Variants in LRP1B observed in about 807,000 individuals in gnomAD.
LRP1B encodes low-density lipoprotein receptor-related protein 1B.
A neutral mutation model predicts 556.6 loss-of-function variants in LRP1B; 217 were observed. The observed-to-expected ratio is 0.39, with a 90% CI of 0.35 to 0.44. LRP1B has a LOEUF of 0.44. Among genes scored for constraint, LRP1B ranks in the 20% least tolerant of loss-of-function variants. The probability of loss-of-function intolerance (pLI) is 1.00; values close to 1 mark genes in which losing one functional copy is unlikely to be tolerated. For synonymous variants in LRP1B, 2,047 were observed against 1,865.8 expected (o/e 1.10, Z -2.50); for missense variants, 5,053 against 5,620.8 (o/e 0.90, Z 3.23).
Position 140,492,630 on chromosome 2 carries a change from G to A in LRP1B, c.9098C>T (p.Ser3033Phe), listed in dbSNP as rs1376632696. 1.2e-6 allele frequency: 2 copies of A among 1,613,522 alleles called. No homozygotes were observed. The highest frequency in any genetic ancestry group is 2.2e-5 in the East Asian group (1 of 44,844). The change falls in exon 57 of 91, where the codon TCC becomes TTC. Residue 3033 changes from serine (S) to phenylalanine (F), a missense_variant. Physicochemically the swap from Ser to Phe is radical, Grantham distance 155. Around this residue, in one of 5 missense-constraint regions of LRP1B, gnomAD observed 3,619 missense variants for 3,931.9 expected, o/e 0.92. Coordinates refer to ENST00000389484, the MANE Select transcript of LRP1B (RefSeq NM_018557.3). ...HEIRKISTDG[S>F]NYTLLKQGLN... ...TACCTGTTTTAAAAGTGTGTAGTTG[G>A]AGCCATCAGTGCTAATTTTCCTTAT...
chr2:140,427,348 G>T (rs963170106), intron 66 of LRP1B, among the ~76,000 whole-genome samples: 2 of 151,930 alleles, frequency 1.3e-5, no homozygotes, highest in Admixed American at 1.3e-4. Flanking sequence ...CCCCTTCTCC[G>T]TGTCTTTACC....
intron 17 of LRP1B, among the ~76,000 whole-genome samples, chr2:140,987,514 C>T (rs1301306076): frequency 6.6e-6 from 1 of 152,098 alleles, no homozygotes; most frequent in Non-Finnish European, 1.5e-5. Context: ...TAGCCAATCA[C>T]AAATGCTTCT....
chr2:140,805,648 T>C (rs190783409), intron 32 of LRP1B, among the ~76,000 whole-genome samples: 9 of 152,306 alleles, frequency 5.9e-5, no homozygotes, highest in African/African-American at 2.2e-4. Context: ...TTAACCAATA[T>C]AATCATTTAT....
intron 84 of LRP1B, among the ~76,000 whole-genome samples, chr2:140,285,202 G>A (rs1683092792): frequency 1.3e-5 from 2 of 149,696 alleles, no homozygotes; most frequent in South Asian, 2.1e-4. Context: ...TCTATATATG[G>A]ATATCTATGG....
intron 2 of LRP1B, among the ~76,000 whole-genome samples, chr2:141,805,944 C>G (rs553122270): frequency 1.3e-5 from 2 of 152,044 alleles, no homozygotes; most frequent in East Asian, 3.9e-4. Context: ...GTCATTATGC[C>G]CAAAACATGA....
At chr2:141,293,013 A>T (rs1481358862) in intron 3 of LRP1B, among the ~76,000 whole-genome samples, 1 of 152,132 alleles carries the variant, frequency 6.6e-6, no homozygotes, top group Non-Finnish European at 1.5e-5. Flanking sequence ...TCTACGTACT[A>T]TCTTCTCAAT....
At chr2:141,281,545 A>G (rs968059170) in intron 3 of LRP1B, among the ~76,000 whole-genome samples, 1 of 152,042 alleles carries the variant, frequency 6.6e-6, no homozygotes, top group Non-Finnish European at 1.5e-5. Flanking sequence ...AGATGTTAAT[A>G]TTTTTACTTA....
chr2:141,191,933 A>G (rs1331525247), intron 6 of LRP1B, among the ~76,000 whole-genome samples: 2 of 151,882 alleles, frequency 1.3e-5, no homozygotes, highest in Non-Finnish European at 2.9e-5. Flanking sequence ...TACAATTGTA[A>G]TTTCAGACAA....
At chr2:140,852,212 A>C (rs1692481014) in intron 27 of LRP1B, among the ~76,000 whole-genome samples, 1 of 152,178 alleles carries the variant, frequency 6.6e-6, no homozygotes, top group South Asian at 2.1e-4. Context: ...CTCTAGTCCC[A>C]GCTAGTCAGG....
intron 31 of LRP1B, among the ~76,000 whole-genome samples, chr2:140,825,037 T>C (rs1691455636): frequency 6.6e-6 from 1 of 152,158 alleles, no homozygotes; most frequent in Non-Finnish European, 1.5e-5. Flanking sequence ...TAGGTAATCA[T>C]ATATTCAACA....
intron 41 of LRP1B, among the ~76,000 whole-genome samples, chr2:140,658,824 T>C (rs1204020704): frequency 6.6e-6 from 1 of 152,068 alleles, no homozygotes; most frequent in African/African-American, 2.4e-5. Flanking sequence ...TAAATCTACT[T>C]ACAGTGAGCT....
intron 83 of LRP1B, among the ~76,000 whole-genome samples, chr2:140,305,797 A>G (rs375625562): frequency 1.2e-3 from 175 of 152,062 alleles, no homozygotes; most frequent in African/African-American, 4.1e-3. Context: ...GTTTGTCATA[A>G]ATAGCTCTTA....
intron 82 of LRP1B, among the ~76,000 whole-genome samples, chr2:140,318,561 G>A (rs1684629265): frequency 6.6e-6 from 1 of 151,962 alleles, no homozygotes; most frequent in South Asian, 2.1e-4. Context: ...ATTTTAAAGG[G>A]CTATGTGTCT....
intron 4 of LRP1B, among the ~76,000 whole-genome samples, chr2:141,251,749 A>G (rs945994080): frequency 6.6e-6 from 1 of 152,096 alleles, no homozygotes; most frequent in African/African-American, 2.4e-5. Context: ...GAAGAGAAAG[A>G]GTAATTTGAG....
chr2:141,513,047 A>G (rs1684187048), intron 2 of LRP1B, among the ~76,000 whole-genome samples: 1 of 152,098 alleles, frequency 6.6e-6, no homozygotes, highest in African/African-American at 2.4e-5. Flanking sequence ...CAATGTGTCT[A>G]CCTCCATTAT....
chr2:141,720,936 T>A (rs1692788421), intron 2 of LRP1B, among the ~76,000 whole-genome samples: 1 of 152,168 alleles, frequency 6.6e-6, no homozygotes, highest in African/African-American at 2.4e-5. Flanking sequence ...AATTATTGCA[T>A]TAAGATCATT....
chr2:141,230,625 A>G (rs1422865469), intron 5 of LRP1B, among the ~76,000 whole-genome samples: 3 of 152,108 alleles, frequency 2.0e-5, no homozygotes, highest in African/African-American at 7.2e-5. Flanking sequence ...TCATCTCCTT[A>G]CTACTCTTAC....
intron 6 of LRP1B, among the ~76,000 whole-genome samples, chr2:141,194,325 C>G (rs1460205020): frequency 1.3e-5 from 2 of 151,908 alleles, no homozygotes; most frequent in East Asian, 3.9e-4. Flanking sequence ...GATTTTCTAC[C>G]AACCAGAAAT....
At chr2:140,243,286 G>A (rs1335050988) in intron 87 of LRP1B, among the ~76,000 whole-genome samples, 1 of 151,034 alleles carries the variant, frequency 6.6e-6, no homozygotes, top group East Asian at 2.0e-4. Flanking sequence ...TCCTGGCAAG[G>A]AGAGTGTATC....
Sources: gnomAD v4.1 joint callset for allele counts (sites outside exome capture counted in the v4.1 genomes callset) on GRCh38, gnomAD v4.1.1 for gene constraint, gnomAD v4.1.1 regional missense constraint, MANE v1.5 for transcripts, NCBI Gene and HGNC (gene_info 2026-07-23, HGNC 2026-07-21) for gene names.